Variants in BFSP1 observed in about 807,000 individuals in gnomAD.
BFSP1 encodes filensin.
In BFSP1, 38 loss-of-function variants were observed where a neutral mutation model predicts 43.9. The ratio of observed to expected loss-of-function variants is 0.87; its 90% CI spans 0.67 to 1.14. BFSP1 has a LOEUF of 1.14. Among genes scored for constraint, BFSP1 ranks in the 50% most tolerant of loss-of-function variants. The pLI is 0.00. For synonymous variants in BFSP1, 352 were observed against 354.8 expected (o/e 0.99, Z 0.09); for missense variants, 850 against 875.1 (o/e 0.97, Z 0.36).
chr20:17,559,662 A>G (rs1256569966), upstream of BFSP1, among the ~76,000 whole-genome samples: 1 of 152,178 alleles, frequency 6.6e-6, no homozygotes, highest in Non-Finnish European at 1.5e-5. Context: ...CTCCTGTCAG[A>G]TCAGCGGCGG....
At chr20:17,535,754 CAA>C (rs1461540488), upstream of BFSP1, among the ~76,000 whole-genome samples, 1 of 152,050 alleles carries the variant, frequency 6.6e-6, no homozygotes, top group Non-Finnish European at 1.5e-5. Flanking sequence ...AAAACACCTG[CAA>C]AAAGTGTGAT....
At chr20:17,561,973 T>C (rs2035070705), upstream of BFSP1, among the ~76,000 whole-genome samples, 1 of 151,956 alleles carries the variant, frequency 6.6e-6, no homozygotes, top group African/African-American at 2.4e-5. Context: ...CAGGCTGGAG[T>C]ATGACGGCGC....
At chr20:17,557,737 T>A (rs1249699981) in intron 1 of BFSP1, among the ~76,000 whole-genome samples, 1 of 152,204 alleles carries the variant, frequency 6.6e-6, no homozygotes, top group Non-Finnish European at 1.5e-5. Flanking sequence ...ACCAAGTGTT[T>A]ATCGTGGTTC....
In BFSP1 at chr20:17,516,948, A is replaced by C; in HGVS notation, c.439-2132T>G. On this transcript the variant is annotated intron_variant, in intron 2 of 7. Coordinates refer to ENST00000377873, the MANE Select transcript of BFSP1 (RefSeq NM_001195.5). ...GGCCAAGACCCAGGATAAGGAAAGA[A>C]TTCCTCCTGATCAGTAAAGACTGAT... 5.4e-6 allele frequency: 4 copies of C among 739,810 alleles called. No individual in the cohort carries two copies. The South Asian group carries it at 5.7e-5, about 10-fold the overall frequency. The allele number at this position is 739,810 out of a possible 1,614,324, so 45.8% of individuals were successfully genotyped here. A position where few individuals can be genotyped will look rare whatever the true frequency, so the allele number is the denominator to read the frequency against.
intron 5 of BFSP1, among the ~76,000 whole-genome samples, chr20:17,505,630 A>T (rs560971356): frequency 2.8e-4 from 42 of 152,356 alleles, no homozygotes; most frequent in Non-Finnish European, 4.6e-4. Flanking sequence ...TAAAACCTTT[A>T]AAACCAGCAA....
At chr20:17,547,150 C>T (rs868197960) in intron 1 of BFSP1, among the ~76,000 whole-genome samples, 1 of 151,156 alleles carries the variant, frequency 6.6e-6, no homozygotes, top group African/African-American at 2.4e-5. Flanking sequence ...GTCAGGGCAA[C>T]ATGGTAAGAC....
chr20:17,547,979 C>T (rs1357397740), intron 1 of BFSP1, among the ~76,000 whole-genome samples: 2 of 146,464 alleles, frequency 1.4e-5, no homozygotes, highest in Non-Finnish European at 3.0e-5. Flanking sequence ...AAACTCCTGA[C>T]CTCAGGGGAT....
upstream of BFSP1, among the ~76,000 whole-genome samples, chr20:17,531,847 T>A (rs1363078855): frequency 6.6e-6 from 1 of 152,184 alleles, no homozygotes; most frequent in African/African-American, 2.4e-5. Context: ...GTCTTTTTTA[T>A]TTCCAATTGC....
At chr20:17,550,939 C>T (rs942065834) in intron 1 of BFSP1, among the ~76,000 whole-genome samples, 2 of 152,140 alleles carry the variant, frequency 1.3e-5, no homozygotes, top group African/African-American at 4.8e-5. Context: ...GCCAGTTTTA[C>T]GATGGAGTTG....
upstream of BFSP1, among the ~76,000 whole-genome samples, chr20:17,561,223 G>T (rs1447264731): frequency 6.6e-6 from 1 of 152,210 alleles, no homozygotes; most frequent in African/African-American, 2.4e-5. Context: ...TGGAGGTTGG[G>T]CATGGTGGCT....
chr20:17,496,672 T>C (rs1355708263), intron 7 of BFSP1, among the ~76,000 whole-genome samples: 1 of 152,112 alleles, frequency 6.6e-6, no homozygotes, highest in African/African-American at 2.4e-5. Context: ...AAAACAAATA[T>C]AAAAATACAA....
At position 17,517,218 on chromosome 20, in the gene BFSP1, G is replaced by T. The variant is rs933061743; in HGVS notation, c.439-2402C>A. The stretch of plus-strand genomic sequence containing the variant: ...TCGAGAGTGCCCTTCTGATGAATGT[G>T]GTGCTGGAGTGTTTATGGCAAGCCA... On this transcript the variant is annotated intron_variant, in intron 2 of 7. Transcript: ENST00000377873. 32 of 917,468 alleles carry T rather than the reference G, an allele frequency of 3.5e-5. No homozygotes were observed. In the East Asian group the frequency reaches 7.6e-4, roughly 22 times the overall value. The allele number at this position is 917,468 out of a possible 1,614,324, so 56.8% of individuals were successfully genotyped here.
intron 2 of BFSP1, among the ~76,000 whole-genome samples, chr20:17,523,653 C>T (rs1328230048): frequency 6.7e-6 from 1 of 149,708 alleles, no homozygotes; most frequent in Non-Finnish European, 1.5e-5. Context: ...ATCTAGGGTG[C>T]CCAAGTGTCC....
intron 1 of BFSP1, among the ~76,000 whole-genome samples, chr20:17,555,606 T>C (rs1233745445): frequency 6.6e-6 from 1 of 152,176 alleles, no homozygotes; most frequent in Non-Finnish European, 1.5e-5. Flanking sequence ...TAAGCTGAGA[T>C]TGTGCCACTG....
chr20:17,515,104 T>C (rs1488799816), intron 2 of BFSP1, among the ~76,000 whole-genome samples: 1 of 152,188 alleles, frequency 6.6e-6, no homozygotes, highest in African/African-American at 2.4e-5. Context: ...GGTAGGGTCC[T>C]TCTATTGGCA....
At chr20:17,556,559 C>G (rs552697017) in intron 1 of BFSP1, among the ~76,000 whole-genome samples, 2 of 152,126 alleles carry the variant, frequency 1.3e-5, no homozygotes, top group East Asian at 3.9e-4. Context: ...CTATCTATTA[C>G]TATCTATTGA....
At chr20:17,550,958 A>G (rs1218542797) in intron 1 of BFSP1, among the ~76,000 whole-genome samples, 2 of 152,220 alleles carry the variant, frequency 1.3e-5, no homozygotes, top group African/African-American at 4.8e-5. Flanking sequence ...TGATTTTAAA[A>G]TGGTGCCACT....
At chr20:17,498,700 TG>T (rs2033714680) in intron 6 of BFSP1, 119 bp downstream of exon 6, 1 of 1,167,550 alleles carries the variant, frequency 8.6e-7, no homozygotes, top group Non-Finnish European at 1.2e-6. Flanking sequence ...GGTCAGGAAT[TG>T]TTCTGTTTCC....
At chr20:17,567,953 G>GAAA (rs539167972) in intron 1 of BFSP1, among the ~76,000 whole-genome samples, 1 of 136,024 alleles carries the variant, frequency 7.4e-6, no homozygotes, top group African/African-American at 2.7e-5. Flanking sequence ...TACGGGGCAC[G>GAAA]AAAAAAAAAA....
Sources: gnomAD v4.1 joint callset for allele counts (sites outside exome capture counted in the v4.1 genomes callset) on GRCh38, gnomAD v4.1.1 for gene constraint, MANE v1.5 for transcripts, NCBI Gene and HGNC (gene_info 2026-07-23, HGNC 2026-07-21) for gene names.